PPP1R9A: variants seen among roughly 807,000 people sequenced by gnomAD.
PPP1R9A encodes the protein protein phosphatase 1 regulatory subunit 9A.
PPP1R9A carries 59 observed loss-of-function variants against 141.9 expected under a neutral mutation model. The ratio of observed to expected loss-of-function variants is 0.42; its 90% CI spans 0.34 to 0.52. The LOEUF (loss-of-function observed/expected upper bound fraction) is 0.52. PPP1R9A is among the 20% of genes least tolerant of loss of function. The pLI is 0.10. For missense variants in PPP1R9A, 1,444 were observed against 1,611.9 expected (o/e 0.90, Z 1.78); for synonymous variants, 500 against 569.7 (o/e 0.88, Z 1.74).
intron 5 of PPP1R9A, among the ~76,000 whole-genome samples, chr7:95,175,510 A>C (rs1354571120): frequency 6.6e-6 from 1 of 151,996 alleles, no homozygotes; most frequent in Non-Finnish European, 1.5e-5. Context: ...AAAAAAAAAA[A>C]AACTTAAAAG....
chr7:95,189,160 A>T (rs368374128), intron 5 of PPP1R9A, among the ~76,000 whole-genome samples: 1 of 151,998 alleles, frequency 6.6e-6, no homozygotes, highest in East Asian at 1.9e-4. Context: ...TCTGCTGTTA[A>T]TCTGGTAGGT....
intron 2 of PPP1R9A, among the ~76,000 whole-genome samples, chr7:94,987,566 ACAGT>A (rs1009239091): frequency 7.9e-5 from 12 of 152,114 alleles, no homozygotes; most frequent in Admixed American, 6.6e-4. Context: ...AAACTAGTGA[ACAGT>A]CACATACCCT....
intron 2 of PPP1R9A, among the ~76,000 whole-genome samples, chr7:94,938,456 CT>C (rs144277990): frequency 4.7e-5 from 7 of 149,146 alleles, no homozygotes; most frequent in South Asian, 2.1e-4. Flanking sequence ...AGAAGGTTTT[CT>C]TTTTTTTTTC....
chr7:94,927,527 C>G (rs1793633857), intron 2 of PPP1R9A, among the ~76,000 whole-genome samples: 1 of 152,044 alleles, frequency 6.6e-6, no homozygotes, highest in Non-Finnish European at 1.5e-5. Flanking sequence ...GCCTATTATT[C>G]AAGTGTTTAT....
chr7:95,158,942 A>G (rs2152700099), intron 4 of PPP1R9A, among the ~76,000 whole-genome samples: 1 of 152,324 alleles, frequency 6.6e-6, no homozygotes, highest in East Asian at 1.9e-4. Context: ...ATCTGAGCAT[A>G]CCAAGTATTC....
chr7:95,060,014 G>A (rs1208721550), intron 2 of PPP1R9A, among the ~76,000 whole-genome samples: 1 of 152,082 alleles, frequency 6.6e-6, no homozygotes. Context: ...CAGACAACTT[G>A]GCAGCAGTCC....
At chr7:95,281,372 T>G (rs868267002) in intron 16 of PPP1R9A, among the ~76,000 whole-genome samples, 2 of 152,164 alleles carry the variant, frequency 1.3e-5, no homozygotes, top group South Asian at 4.1e-4. Context: ...CTCTTCCTCC[T>G]TCCTGTCTAT....
intron 2 of PPP1R9A, among the ~76,000 whole-genome samples, chr7:95,014,834 ATTT>A (rs1804875177): frequency 6.6e-6 from 1 of 152,044 alleles, no homozygotes; most frequent in Non-Finnish European, 1.5e-5. Flanking sequence ...TGACTTATTT[ATTT>A]ATATTAGCAT....
intron 3 of PPP1R9A, 62 bp from the exon 4 acceptor site, chr7:95,120,648 GCT>G (rs1268442872): frequency 6.5e-7 from 1 of 1,544,678 alleles, no homozygotes; most frequent in Non-Finnish European, 8.8e-7. Flanking sequence ...GGTCTCACCA[GCT>G]AATTGCAGAC....
chr7:94,973,802 T>G (rs1346251843), intron 2 of PPP1R9A, among the ~76,000 whole-genome samples: 2 of 151,530 alleles, frequency 1.3e-5, no homozygotes, highest in Non-Finnish European at 2.9e-5. Flanking sequence ...CACTGTTGCC[T>G]CAACCTCAAG....
intron 2 of PPP1R9A, among the ~76,000 whole-genome samples, chr7:94,936,582 A>T (rs1220811202): frequency 1.3e-5 from 2 of 152,068 alleles, no homozygotes; most frequent in Non-Finnish European, 2.9e-5. Context: ...TTTGCCTTCA[A>T]GTAATGTTAA....
In PPP1R9A at chr7:95,143,450, A is replaced by G. The variant is rs532451323; in HGVS notation, c.1650-18417A>G. On this transcript the variant is annotated intron_variant, in intron 4 of 19. Coordinates refer to ENST00000433360, the MANE Select transcript of PPP1R9A (RefSeq NM_001166160.2). ...ATACTGATTGGTGAGATCTGCTCTC[A>G]GAGTGGGGCCCACTGTATTTTAAAC... 9.8e-5 allele frequency among the ~76,000 whole-genome samples: 15 copies of G among 152,288 alleles called. 1 individual carries two copies. The highest frequency in any genetic ancestry group is 9.8e-4 in the Admixed American group (15 of 15,280).
At chr7:94,916,019 A>G (rs868568059) in intron 2 of PPP1R9A, among the ~76,000 whole-genome samples, 1 of 152,092 alleles carries the variant, frequency 6.6e-6, no homozygotes, top group Non-Finnish European at 1.5e-5. Flanking sequence ...AGTAAATCTC[A>G]TTCATTTTAT....
At chr7:95,021,752 TG>T (rs1220774239) in intron 2 of PPP1R9A, among the ~76,000 whole-genome samples, 1 of 152,160 alleles carries the variant, frequency 6.6e-6, no homozygotes, top group East Asian at 1.9e-4. Flanking sequence ...GTTGTTTTTG[TG>T]AGGTTTGTCA....
At chr7:95,227,398 G>A (rs145858583) in intron 8 of PPP1R9A, among the ~76,000 whole-genome samples, 17 of 152,252 alleles carry the variant, frequency 1.1e-4, no homozygotes, top group Non-Finnish European at 2.4e-4. Context: ...ATAATATATG[G>A]AAAGTTATAT....
At chr7:95,217,411 A>G (rs1037604771) in intron 7 of PPP1R9A, among the ~76,000 whole-genome samples, 1 of 152,126 alleles carries the variant, frequency 6.6e-6, no homozygotes, top group Non-Finnish European at 1.5e-5. Flanking sequence ...TTCATCAGGG[A>G]TATTGGTCTA....
At chr7:95,087,199 T>C (rs777682784) in intron 2 of PPP1R9A, among the ~76,000 whole-genome samples, 92 of 152,096 alleles carry the variant, frequency 6.0e-4, no homozygotes, top group Non-Finnish European at 2.8e-4. Context: ...TCTGTAATAG[T>C]TTCTCACTCT....
chr7:95,161,981 T>A lies in PPP1R9A; in HGVS notation c.1754+10T>A. 6.5e-7 allele frequency: 1 copy of A among 1,549,792 alleles called. No individual in the cohort carries two copies. The highest frequency in any genetic ancestry group is 8.9e-7 in the Non-Finnish European group (1 of 1,126,070). Reference sequence around the variant, plus strand: ...CCAAGGGCAACGTCAGGTAAATACGTGCCTTCTAATATACACCATGTTGTT... The same window carrying A: ...CCAAGGGCAACGTCAGGTAAATACGAGCCTTCTAATATACACCATGTTGTT... On this transcript the variant is annotated intron_variant, in intron 5 of 19. Transcript: ENST00000433360.
chr7:95,109,202 A>G (rs1820111370), intron 2 of PPP1R9A, among the ~76,000 whole-genome samples: 1 of 152,164 alleles, frequency 6.6e-6, no homozygotes, highest in Non-Finnish European at 1.5e-5. Flanking sequence ...TCTGCAGTCA[A>G]ATATGTGAAT....
Sources: allele counts gnomAD v4.1 joint callset (sites outside exome capture counted in the v4.1 genomes callset), GRCh38; gene constraint gnomAD v4.1.1; transcripts MANE v1.5; gene names NCBI Gene and HGNC (gene_info 2026-07-23, HGNC 2026-07-21).